LOXL2: variants seen among roughly 807,000 people sequenced by gnomAD.
LOXL2 encodes the protein lysyl oxidase like 2.
A neutral mutation model predicts 93.0 loss-of-function variants in LOXL2; 70 were observed. That is an observed-to-expected ratio of 0.75 (90% CI 0.62 to 0.92). The LOEUF is 0.92. Among genes scored for constraint, LOXL2 ranks in the 40% least tolerant of loss-of-function variants. LOXL2 has a pLI of 0.00. For missense variants in LOXL2, 973 were observed against 1,054.9 expected, an observed-to-expected ratio of 0.92 and a Z score of 1.08; for synonymous variants, 438 against 413.2, an observed-to-expected ratio of 1.06 and a Z score of -0.73.
intron 3 of LOXL2, among the ~76,000 whole-genome samples, chr8:23,349,903 G>A (rs769814416): frequency 1.4e-4 from 21 of 152,012 alleles, no homozygotes; most frequent in Non-Finnish European, 2.4e-4. Flanking sequence ...TAGACATGCT[G>A]AGTGCCCAAG....
At chr8:23,384,679 C>G (rs1181297333) in intron 1 of LOXL2, among the ~76,000 whole-genome samples, 1 of 152,090 alleles carries the variant, frequency 6.6e-6, no homozygotes, top group Non-Finnish European at 1.5e-5. Flanking sequence ...CTTTGAAGGC[C>G]GAGGCGGGCG....
intron 3 of LOXL2, among the ~76,000 whole-genome samples, chr8:23,359,564 G>C (rs563422356): frequency 6.6e-6 from 1 of 152,268 alleles, no homozygotes; most frequent in African/African-American, 2.4e-5. Context: ...CCCATTGACA[G>C]CCTGAGTGCA....
At chr8:23,359,966 C>T in intron 3 of LOXL2, 124 bp downstream of exon 3, 2 of 859,790 alleles carry the variant, frequency 2.3e-6, no homozygotes, top group South Asian at 1.7e-5. Flanking sequence ...TGTATCTAAT[C>T]CCATTGGGTG....
chr8:23,377,805 C>T (rs1489739249), intron 1 of LOXL2, among the ~76,000 whole-genome samples: 2 of 152,110 alleles, frequency 1.3e-5, no homozygotes, highest in Non-Finnish European at 1.5e-5. Flanking sequence ...GATTTTCCTC[C>T]ATCCCTTTAT....
rs147004560 is a variant in LOXL2, at chr8:23,332,286, CAG to C, written c.966+1113_966+1114del. The stretch of plus-strand genomic sequence containing the variant: ...CACCCACACATACACACAACCCACA[CAG>C]ACCCCCACACACACTCATACACACC... On this transcript the variant is annotated intron_variant, in intron 5 of 13. Transcript: ENST00000389131. Among the ~76,000 whole-genome samples the C allele has an allele frequency of 6.8e-3, 836 of 123,654 alleles. 7 individuals carry two copies. Among genetic ancestry groups the C allele is most frequent in the African/African-American group, 0.025 (798 of 32,240 alleles). 81.1% of individuals were successfully genotyped at this position (123,654 alleles called of 152,430 possible). A position where few individuals can be genotyped will look rare whatever the true frequency, so the allele number is the denominator to read the frequency against.
intron 1 of LOXL2, among the ~76,000 whole-genome samples, chr8:23,381,591 C>T (rs958942375): frequency 2.6e-5 from 4 of 152,196 alleles, no homozygotes; most frequent in Admixed American, 2.0e-4. Flanking sequence ...TCCCTTGCCC[C>T]GTGCTTACTG....
chr8:23,385,251 T>C (rs1224815225), intron 1 of LOXL2, among the ~76,000 whole-genome samples: 1 of 150,642 alleles, frequency 6.6e-6, no homozygotes, highest in African/African-American at 2.4e-5. Flanking sequence ...TTTCTTTTTT[T>C]TTTTTTTTTT....
chr8:23,322,516 G>A (rs1008828495), intron 6 of LOXL2, among the ~76,000 whole-genome samples: 1 of 152,274 alleles, frequency 6.6e-6, no homozygotes, highest in African/African-American at 2.4e-5. Context: ...TTTGCTGTGT[G>A]ACCTTGGCCG....
At chr8:23,378,751 A>G (rs1322420143) in intron 1 of LOXL2, among the ~76,000 whole-genome samples, 1 of 152,190 alleles carries the variant, frequency 6.6e-6, no homozygotes. Flanking sequence ...AAGCTTGTGC[A>G]TTCGTCACGT....
chr8:23,325,778 A>G (rs544196892), intron 6 of LOXL2, among the ~76,000 whole-genome samples: 16 of 152,238 alleles, frequency 1.1e-4, no homozygotes, highest in Non-Finnish European at 2.1e-4. Flanking sequence ...TGTGGCATGC[A>G]GCCTTGCAGG....
chr8:23,351,312 G>C (rs527926779), intron 3 of LOXL2, among the ~76,000 whole-genome samples: 1 of 152,254 alleles, frequency 6.6e-6, no homozygotes, highest in African/African-American at 2.4e-5. Flanking sequence ...CTCTGCCCTA[G>C]TCACATCACC....
intron 1 of LOXL2, among the ~76,000 whole-genome samples, chr8:23,389,311 T>C (rs548831356): frequency 5.9e-5 from 9 of 152,326 alleles, no homozygotes; most frequent in Admixed American, 1.3e-4. Context: ...AAGATTTTTA[T>C]TGAAGCTACT....
intron 8 of LOXL2, 94 bp from the exon 9 acceptor site, chr8:23,317,208 G>T: frequency 7.3e-7 from 1 of 1,363,942 alleles, no homozygotes; most frequent in Non-Finnish European, 1.0e-6. Flanking sequence ...AAATCCCAAT[G>T]TTTCATGATC....
intron 12 of LOXL2, among the ~76,000 whole-genome samples, chr8:23,299,630 G>A (rs1000692476): frequency 3.9e-5 from 6 of 152,154 alleles, no homozygotes; most frequent in Non-Finnish European, 5.9e-5. Flanking sequence ...GTGAGGACCC[G>A]AGGAGAAAAG....
At chr8:23,366,207 T>C (rs1050166761) in intron 2 of LOXL2, 1 of 152,276 alleles carries the variant, frequency 6.6e-6, no homozygotes, top group Non-Finnish European at 1.5e-5. Flanking sequence ...AGGTTACCCC[T>C]GGATCGCTCA....
At position 23,335,560 on chromosome 8, in the gene LOXL2, T is replaced by TA. The variant is rs1284838617; in HGVS notation, c.744-1938_744-1937insT. On this transcript the variant is annotated intron_variant, in intron 4 of 13. Coordinates refer to ENST00000389131, the MANE Select transcript of LOXL2 (RefSeq NM_002318.3). ...CTTTACGGAAGAGAAGCCTTTAAATTGGGCCCTGAATGATGGTGGGATCTG... is the reference window on the plus strand; with the variant it reads ...CTTTACGGAAGAGAAGCCTTTAAATTAGGGCCCTGAATGATGGTGGGATCTG... 6.6e-5 allele frequency among the ~76,000 whole-genome samples: 10 copies of TA among 152,138 alleles called. No homozygotes were observed. In the South Asian group the frequency reaches 1.9e-3, roughly 28 times the overall value.
At chr8:23,344,370 G>A (rs983416143) in intron 3 of LOXL2, among the ~76,000 whole-genome samples, 2 of 152,146 alleles carry the variant, frequency 1.3e-5, no homozygotes, top group African/African-American at 2.4e-5. Context: ...ATGGTGGTGT[G>A]TGCTTGATGG....
At chr8:23,328,645 C>T in intron 5 of LOXL2, 80 bp from the exon 6 acceptor site, 1 of 1,365,582 alleles carries the variant, frequency 7.3e-7, no homozygotes, top group Non-Finnish European at 1.0e-6. Flanking sequence ...CCCCTCCCTT[C>T]CCTGCCACCC....
intron 3 of LOXL2, 80 bp downstream of exon 3, chr8:23,360,010 G>GA: frequency 7.5e-7 from 1 of 1,338,464 alleles, no homozygotes; most frequent in Non-Finnish European, 1.1e-6. Context: ...CACACTTCTT[G>GA]AAATCAATAC....
Sources: allele counts gnomAD v4.1 joint callset (sites outside exome capture counted in the v4.1 genomes callset), GRCh38; gene constraint gnomAD v4.1.1; transcripts MANE v1.5; gene names NCBI Gene and HGNC (gene_info 2026-07-23, HGNC 2026-07-21).